The following PLEKHO2 variants were observed in gnomAD, a reference collection of about 807,000 sequenced individuals.
PLEKHO2 encodes the protein pleckstrin homology domain containing O2.
PLEKHO2 carries 20 observed loss-of-function variants against 32.7 expected under a neutral mutation model. The observed-to-expected ratio is 0.61, with a 90% CI of 0.43 to 0.89. The LOEUF (loss-of-function observed/expected upper bound fraction) is 0.89. Among genes scored for constraint, PLEKHO2 ranks in the 40% least tolerant of loss-of-function variants. The probability of loss-of-function intolerance (pLI) is 0.00; values close to 1 mark genes in which losing one functional copy is unlikely to be tolerated. For synonymous variants in PLEKHO2, 247 were observed against 246.3 expected (o/e 1.00, Z -0.03); for missense variants, 568 against 621.2 (o/e 0.91, Z 0.91).
At chr15:64,861,326 G>A in intron 4 of PLEKHO2, 151 bp from the exon 5 acceptor site, 1 of 573,454 alleles carries the variant, frequency 1.7e-6, no homozygotes, top group South Asian at 2.2e-5. Flanking sequence ...CAGGGGCATT[G>A]CAGAGTTAGA....
chr15:64,859,975 G>A lies in PLEKHO2; in HGVS notation c.361G>A (p.Gly121Ser), dbSNP rs776055671. The change falls in exon 4 of 6, where the codon GGC (glycine) becomes AGC (serine). Residue 121 changes from glycine to serine, a missense_variant. By Grantham distance (56) the Gly-to-Ser change is moderately conservative (BLOSUM62 0). Coordinates refer to ENST00000323544, the MANE Select transcript of PLEKHO2 (RefSeq NM_025201.5). ...IKALNEGINR[G>S]KNKAFDEVKV... ...AGCCCTCAATGAAGGGATTAACCGAGGCAAAAACAAGGCTTTCGATGAGGT... is the reference window on the plus strand; with the variant it reads ...AGCCCTCAATGAAGGGATTAACCGAAGCAAAAACAAGGCTTTCGATGAGGT... The A allele has an allele frequency of 5.0e-6, 8 of 1,614,108 alleles. No individual in the cohort carries two copies. The South Asian group carries it at 6.6e-5, about 13-fold the overall frequency.
chr15:64,861,674 C>T (rs968282452), intron 5 of PLEKHO2, 99 bp downstream of exon 5: 3 of 957,828 alleles, frequency 3.1e-6, no homozygotes, highest in African/African-American at 3.3e-5. Flanking sequence ...TTCCTGAGGA[C>T]ACCTGGAGCT....
At position 64,861,649 on chromosome 15, in the gene PLEKHO2, C is replaced by G. The variant is rs862857; in HGVS notation, c.483+74C>G. The G allele has an allele frequency of 1.9e-3, 2,389 of 1,265,924 alleles. 35 individuals are homozygous for G. In the African/African-American group the frequency reaches 0.03, roughly 16 times the overall value. 78.4% of individuals were successfully genotyped at this position (1,265,924 alleles called of 1,614,324 possible). A position where few individuals can be genotyped will look rare whatever the true frequency, so the allele number is the denominator to read the frequency against. ...TCAGCTCCTCTGGGCGGCAGCCAGGCTTGGGGCCACATTTTTCCTGAGGAC... is the reference window on the plus strand; with the variant it reads ...TCAGCTCCTCTGGGCGGCAGCCAGGGTTGGGGCCACATTTTTCCTGAGGAC... On this transcript the variant is annotated intron_variant, in intron 5 of 5. Transcript: ENST00000323544.
chr15:64,849,453 T>G (rs1449251685), intron 2 of PLEKHO2, among the ~76,000 whole-genome samples: 1 of 148,310 alleles, frequency 6.7e-6, no homozygotes, highest in African/African-American at 2.5e-5. Context: ...GCCCTCTTTT[T>G]TTTTTTTGAG....
In PLEKHO2 at chr15:64,865,963, G is replaced by C; in HGVS notation, c.*75G>C. ...TCAAGGCCCAGCCCTGCTGAGAAAT[G>C]TGCTTCTGCTTCTACAGCAATGGCT... On this transcript the variant is annotated 3_prime_UTR_variant, in exon 6 of 6. Transcript: ENST00000323544. 1 of 1,504,704 alleles carries C rather than the reference G, an allele frequency of 6.6e-7. No individual in the cohort carries two copies. Among genetic ancestry groups the C allele is most frequent in the Non-Finnish European group, 8.9e-7 (1 of 1,128,676 alleles). 93.2% of individuals were successfully genotyped at this position (1,504,704 alleles called of 1,614,324 possible).
intron 2 of PLEKHO2, among the ~76,000 whole-genome samples, chr15:64,849,186 G>T (rs2084546908): frequency 6.6e-6 from 1 of 152,132 alleles, no homozygotes; most frequent in African/African-American, 2.4e-5. Context: ...CTGTAGCCCA[G>T]GCTGGAGTGC....
At chr15:64,857,035 T>TCACA (rs1288053762) in intron 3 of PLEKHO2, among the ~76,000 whole-genome samples, 2 of 152,148 alleles carry the variant, frequency 1.3e-5, no homozygotes, top group Non-Finnish European at 2.9e-5. Flanking sequence ...GCCCATGAGG[T>TCACA]CACAGGCAGA....
intron 5 of PLEKHO2, among the ~76,000 whole-genome samples, chr15:64,862,173 G>T (rs1366140426): frequency 6.6e-6 from 1 of 152,140 alleles, no homozygotes; most frequent in Non-Finnish European, 1.5e-5. Context: ...GGAGGAAATT[G>T]TGGAGGCCTT....
chr15:64,842,560 C>T (rs1313888467), intron 1 of PLEKHO2, among the ~76,000 whole-genome samples: 1 of 151,424 alleles, frequency 6.6e-6, no homozygotes, highest in Non-Finnish European at 1.5e-5. Flanking sequence ...GCTTTGGTGG[C>T]AGGAGGATTG....
At chr15:64,859,265 A>T (rs1253954546) in intron 3 of PLEKHO2, among the ~76,000 whole-genome samples, 2 of 152,192 alleles carry the variant, frequency 1.3e-5, no homozygotes, top group Non-Finnish European at 2.9e-5. Flanking sequence ...TTTAAAAATG[A>T]TCTTCATGGC....
intron 5 of PLEKHO2, 109 bp from the exon 6 acceptor site, chr15:64,864,790 G>C: frequency 8.3e-7 from 1 of 1,210,190 alleles, no homozygotes; most frequent in Non-Finnish European, 1.1e-6. Context: ...TGGGGAGCTG[G>C]GGGCCTGGAC....
Position 64,841,924 on chromosome 15 carries a change from A to T in PLEKHO2, c.-93A>T. Reference sequence around the variant, plus strand: ...CGGCAGCCGGCGGGACAGAACGCGGAGAGTCGCCGCCTGGCCGGGCGTAGA... The same window carrying T: ...CGGCAGCCGGCGGGACAGAACGCGGTGAGTCGCCGCCTGGCCGGGCGTAGA... On this transcript the variant is annotated 5_prime_UTR_variant, in exon 1 of 6. Transcript: ENST00000323544. 2 of 1,170,836 alleles carry T rather than the reference A, an allele frequency of 1.7e-6. No homozygotes were observed. Among genetic ancestry groups the T allele is most frequent in the South Asian group, 8.2e-5 (2 of 24,274 alleles). The allele number at this position is 1,170,836 out of a possible 1,614,324, so 72.5% of individuals were successfully genotyped here. A position where few individuals can be genotyped will look rare whatever the true frequency, so the allele number is the denominator to read the frequency against.
intron 2 of PLEKHO2, among the ~76,000 whole-genome samples, chr15:64,854,022 G>A (rs1446041423): frequency 1.3e-5 from 2 of 152,172 alleles, no homozygotes; most frequent in Non-Finnish European, 2.9e-5. Context: ...TGCTTCCCTG[G>A]ACTCTCCTGG....
At position 64,848,561 on chromosome 15, in the gene PLEKHO2, C is replaced by A. The variant is rs191362052; in HGVS notation, c.13-32C>A. 6.0e-3 allele frequency: 9,705 copies of A among 1,613,224 alleles called. 49 individuals are homozygous for A. The highest frequency in any genetic ancestry group is 6.7e-3 in the Non-Finnish European group (7,860 of 1,179,340). ...GTGACCTGTGACCCCATGGTAGCAA[C>A]CCTCATGGTATGAACTGGTGCTGTG... On this transcript the variant is annotated intron_variant, in intron 1 of 5. Transcript: ENST00000323544.
chr15:64,861,734 G>A lies in PLEKHO2; in HGVS notation c.483+159G>A, dbSNP rs35667779. ...AAGTGATGGGGCACCTGTGTTACAC[G>A]TGCTCAGGGTATGGATGTCCTTGAG... On this transcript the variant is annotated intron_variant, in intron 5 of 5. Coordinates refer to ENST00000323544, the MANE Select transcript of PLEKHO2 (RefSeq NM_025201.5). 1.0e-2 allele frequency among the ~76,000 whole-genome samples: 1,518 copies of A among 152,278 alleles called. 9 individuals are homozygous for A. Among genetic ancestry groups the A allele is most frequent in the Non-Finnish European group, 0.015 (1,007 of 68,006 alleles).
At chr15:64,847,991 C>T (rs866127526) in intron 1 of PLEKHO2, among the ~76,000 whole-genome samples, 7 of 152,346 alleles carry the variant, frequency 4.6e-5, no homozygotes, top group East Asian at 3.9e-4. Context: ...ACTGTCCTCT[C>T]GCTGCCCTTT....
At chr15:64,844,616 A>G (rs2084509159) in intron 1 of PLEKHO2, among the ~76,000 whole-genome samples, 1 of 152,008 alleles carries the variant, frequency 6.6e-6, no homozygotes, top group South Asian at 2.1e-4. Context: ...CTGTCCCAGT[A>G]CTGTTTCTGT....
rs538699826 is a variant in PLEKHO2 at position 64,854,051 on chromosome 15, C to A, written c.163-870C>A. ...CTCCTGGATGACAGAGTGCCACACC[C>A]AGGAAGTTGTTCCAGTTGGGTCTTC... On this transcript the variant is annotated intron_variant, in intron 2 of 5. Transcript: ENST00000323544. Among the ~76,000 whole-genome samples, 8 of 152,360 alleles carry A rather than the reference C, an allele frequency of 5.3e-5. No individual in the cohort carries two copies. In the South Asian group the frequency reaches 1.7e-3, roughly 32 times the overall value.
intron 1 of PLEKHO2, among the ~76,000 whole-genome samples, chr15:64,844,870 C>T (rs531398261): frequency 6.6e-6 from 1 of 152,186 alleles, no homozygotes; most frequent in Admixed American, 6.5e-5. Context: ...AGTGCTATGT[C>T]TCTGCCAATA....
Sources: gnomAD v4.1 joint callset for allele counts (sites outside exome capture counted in the v4.1 genomes callset) on GRCh38, gnomAD v4.1.1 for gene constraint, MANE v1.5 for transcripts, NCBI Gene and HGNC (gene_info 2026-07-23, HGNC 2026-07-21) for gene names.